Variants in STK33 observed in about 807,000 individuals in gnomAD.
The protein encoded by STK33 is serine/threonine kinase 33.
Under a neutral mutation model 58.0 loss-of-function variants are expected in STK33, and 52 were observed. That is an observed-to-expected ratio of 0.90 (90% CI 0.72 to 1.13). The LOEUF (loss-of-function observed/expected upper bound fraction) is 1.13. Among genes scored for constraint, STK33 ranks in the 50% most tolerant of loss-of-function variants. The pLI is 0.00. For missense variants in STK33, 630 were observed against 604.2 expected (o/e 1.04, Z -0.45); for synonymous variants, 215 against 200.1 (o/e 1.07, Z -0.63).
Position 8,413,555 on chromosome 11 carries a change from G to GT in STK33, c.1283dup (p.Tyr428Ter). 1 of 1,613,972 alleles carries GT rather than the reference G, an allele frequency of 6.2e-7. No individual in the cohort carries two copies. The highest frequency in any genetic ancestry group is 8.5e-7 in the Non-Finnish European group (1 of 1,179,926). ...CATCAGGGACATTTCCCCAGGGTTG[G>GT]TAACTTTTCAACTTTTCTTCAGTGG... is the stretch of plus-strand genomic sequence containing the variant. Reference protein sequence around the residue: ...KPSTEEKLKSYQPWGNVPDAN... With the variant: ...KPSTEEKLKS The change falls in exon 15 of 16, where the codon TAC (tyrosine) becomes TAAC (stop). Residue 428 changes from tyrosine to a stop codon, truncating the protein, a stop_gained and frameshift_variant. Coordinates refer to ENST00000687296, the MANE Select transcript of STK33 (RefSeq NM_001352389.2). LOFTEE classifies it high-confidence loss of function.
At chr11:8,527,003 C>T (rs1282647004) in intron 1 of STK33, among the ~76,000 whole-genome samples, 2 of 143,270 alleles carry the variant, frequency 1.4e-5, no homozygotes, top group Non-Finnish European at 3.0e-5. Flanking sequence ...TTGAGTCTCA[C>T]TCTTGTTGCC....
chr11:8,459,737 A>G (rs745700681), intron 8 of STK33, among the ~76,000 whole-genome samples: 4 of 152,168 alleles, frequency 2.6e-5, no homozygotes, highest in Non-Finnish European at 4.4e-5. Context: ...AGGAAGGTCA[A>G]GACAACTAAA....
chr11:8,487,807 G>GA (rs1950294479), intron 1 of STK33, among the ~76,000 whole-genome samples: 1 of 151,960 alleles, frequency 6.6e-6, no homozygotes, highest in South Asian at 2.1e-4. Context: ...CAAAAGCAAT[G>GA]AAAAAATGGC....
chr11:8,583,246 A>T (rs940354323), intron 1 of STK33, among the ~76,000 whole-genome samples: 1 of 152,116 alleles, frequency 6.6e-6, no homozygotes, highest in Non-Finnish European at 1.5e-5. Context: ...CTACAACCCC[A>T]ACACACTCAC....
At chr11:8,359,397 C>T in the STK33 span, among the ~76,000 whole-genome samples, 10 of 152,286 alleles carry the variant, frequency 6.6e-5, no homozygotes, top group East Asian at 1.9e-3. Flanking sequence ...AAAAGTTATG[C>T]GTATTGGACT....
In STK33 at chr11:8,413,665, T is replaced by C; in HGVS notation, c.1174A>G (p.Thr392Ala). Reference sequence around the variant, plus strand: ...TCCTTCATCATCTCTAATACATTGGTTGGTCTCACCGAAGAAAGTTTATTG... The same window carrying C: ...TCCTTCATCATCTCTAATACATTGGCTGGTCTCACCGAAGAAAGTTTATTG... Reference protein sequence around the residue: ...TGNKLSSVRPTNVLEMMKEWK... With the variant: ...TGNKLSSVRPANVLEMMKEWK... Residue 392 changes from threonine to alanine, a missense_variant, in exon 15 of 16, where the codon ACC becomes GCC. Physicochemically the swap from Thr to Ala is moderately conservative, Grantham distance 58 (BLOSUM62 0). Coordinates refer to ENST00000687296, the MANE Select transcript of STK33 (RefSeq NM_001352389.2). 1.2e-6 allele frequency: 2 copies of C among 1,613,904 alleles called. No homozygotes were observed. Among genetic ancestry groups the C allele is most frequent in the South Asian group, 2.2e-5 (2 of 91,064 alleles).
intron 15 of STK33, among the ~76,000 whole-genome samples, chr11:8,407,338 T>C (rs935809374): frequency 6.6e-6 from 1 of 152,096 alleles, no homozygotes; most frequent in African/African-American, 2.4e-5. Flanking sequence ...TTAGGTATTG[T>C]TGTTATTTAT....
intron 1 of STK33, among the ~76,000 whole-genome samples, chr11:8,482,687 A>G (rs1276874335): frequency 6.6e-6 from 1 of 152,076 alleles, no homozygotes; most frequent in Non-Finnish European, 1.5e-5. Context: ...TAAAGCAAAG[A>G]TAACAGCAGT....
At chr11:8,420,136 CT>C (rs1941703360) in intron 14 of STK33, among the ~76,000 whole-genome samples, 1 of 152,046 alleles carries the variant, frequency 6.6e-6, no homozygotes, top group Admixed American at 6.5e-5. Flanking sequence ...CTTTACATGA[CT>C]AATAATCAAT....
chr11:8,528,050 G>A (rs1013821736), intron 1 of STK33, among the ~76,000 whole-genome samples: 1 of 152,112 alleles, frequency 6.6e-6, no homozygotes, highest in Non-Finnish European at 1.5e-5. Context: ...AATATGCATT[G>A]GGTAGTGTTA....
At chr11:8,416,254 G>A (rs1370610729) in intron 14 of STK33, among the ~76,000 whole-genome samples, 1 of 152,126 alleles carries the variant, frequency 6.6e-6, no homozygotes, top group Non-Finnish European at 1.5e-5. Flanking sequence ...GTTCAACAGA[G>A]TATTTGCCAA....
intron 14 of STK33, among the ~76,000 whole-genome samples, chr11:8,422,044 T>C (rs1428142606): frequency 6.6e-6 from 1 of 152,124 alleles, no homozygotes; most frequent in Admixed American, 6.5e-5. Flanking sequence ...TCAGCAATGT[T>C]GGAAGAAAAA....
intron 1 of STK33, among the ~76,000 whole-genome samples, chr11:8,572,196 C>T (rs1243599049): frequency 6.6e-6 from 1 of 151,942 alleles, no homozygotes; most frequent in Non-Finnish European, 1.5e-5. Context: ...CCTATTCCTG[C>T]CAGACAGAGA....
chr11:8,397,372 C>T (rs2135119720), intron 15 of STK33, among the ~76,000 whole-genome samples: 1 of 152,358 alleles, frequency 6.6e-6, no homozygotes, highest in African/African-American at 2.4e-5. Flanking sequence ...GGACCTCCAG[C>T]AAACTCCAAC....
intron 1 of STK33, among the ~76,000 whole-genome samples, chr11:8,566,809 A>T (rs1454519593): frequency 5.9e-5 from 9 of 152,222 alleles, no homozygotes; most frequent in African/African-American, 1.9e-4. Context: ...GAAATTTTTT[A>T]AATTACTGAG....
intron 1 of STK33, among the ~76,000 whole-genome samples, chr11:8,568,771 AT>A (rs764397638): frequency 6.6e-6 from 1 of 152,194 alleles, no homozygotes; most frequent in South Asian, 2.1e-4. Flanking sequence ...AAAAAGTCTT[AT>A]TCCCTTACAT....
intron 1 of STK33, among the ~76,000 whole-genome samples, chr11:8,503,548 T>TA (rs1273558503): frequency 6.6e-6 from 1 of 152,084 alleles, no homozygotes; most frequent in African/African-American, 2.4e-5. Context: ...CAAAACAACA[T>TA]AGACACCAAA....
At chr11:8,463,682 T>G (rs934199532) in intron 7 of STK33, among the ~76,000 whole-genome samples, 1 of 152,218 alleles carries the variant, frequency 6.6e-6, no homozygotes, top group African/African-American at 2.4e-5. Flanking sequence ...TATTACACTA[T>G]TCACTTCATA....
intron 1 of STK33, among the ~76,000 whole-genome samples, chr11:8,589,517 T>C (rs922347318): frequency 6.6e-6 from 1 of 152,182 alleles, no homozygotes; most frequent in African/African-American, 2.4e-5. Context: ...GAACAAGGCA[T>C]GACTGCTATT....
Sources: gnomAD v4.1 joint callset for allele counts (sites outside exome capture counted in the v4.1 genomes callset) on GRCh38, gnomAD v4.1.1 for gene constraint, MANE v1.5 for transcripts, NCBI Gene and HGNC (gene_info 2026-07-23, HGNC 2026-07-21) for gene names.